DAZAP2: variants seen among roughly 807,000 people sequenced by gnomAD.
DAZAP2 encodes DAZ associated protein 2.
In DAZAP2, 3 loss-of-function variants were observed where a neutral mutation model predicts 16.2. The observed-to-expected ratio is 0.19, with a 90% CI of 0.08 to 0.48. The LOEUF (loss-of-function observed/expected upper bound fraction) is 0.48, where lower values mean the gene tolerates loss of function less well. Ranked by LOEUF, DAZAP2 falls within the 20% of genes least tolerant of loss-of-function variation. The probability of loss-of-function intolerance (pLI) is 0.98; values close to 1 mark genes in which losing one functional copy is unlikely to be tolerated. For synonymous variants in DAZAP2, 69 were observed against 77.6 expected, an observed-to-expected ratio of 0.89 and a Z score of 0.58; for missense variants, 172 against 215.9, an observed-to-expected ratio of 0.80 and a Z score of 1.27.
Position 51,242,312 on chromosome 12 carries a change from C to T in DAZAP2, c.379-18C>T, listed in dbSNP as rs775952142. On this transcript the variant is annotated intron_variant, in intron 3 of 3. Coordinates refer to ENST00000412716, the MANE Select transcript of DAZAP2 (RefSeq NM_014764.4). ...ATTAGCTGCCCTGTGCCCATTCTAT[C>T]ATGTCATTTCCTTTCAGCCTCCACC... 1.9e-6 allele frequency: 3 copies of T among 1,567,974 alleles called. No homozygotes were observed. The highest frequency in any genetic ancestry group is 2.6e-6 in the Non-Finnish European group (3 of 1,158,054).
chr12:51,244,009 G>A, downstream of DAZAP2: 1 of 798,374 alleles, frequency 1.3e-6, no homozygotes, highest in Non-Finnish European at 1.5e-6. Context: ...ACAAATTTTG[G>A]AATTTCGGAC....
chr12:51,245,135 G>A (rs1944749762), downstream of DAZAP2: 2 of 152,094 alleles, frequency 1.3e-5, no homozygotes, highest in Admixed American at 1.3e-4. Flanking sequence ...CCCTCCCAGG[G>A]TATGTTTCTA....
At chr12:51,239,060 G>A (rs1565652302) in intron 1 of DAZAP2, 140 bp downstream of exon 1, 1 of 1,222,540 alleles carries the variant, frequency 8.2e-7, no homozygotes, top group Non-Finnish European at 1.1e-6. Flanking sequence ...CCAGGGCGCT[G>A]CGCCTGACGC....
intron 1 of DAZAP2, chr12:51,240,130 G>C: frequency 1.7e-6 from 1 of 572,018 alleles, no homozygotes; most frequent in South Asian, 2.0e-5. Flanking sequence ...GCAGTGAGCA[G>C]TGCCTTTCTT....
intron 3 of DAZAP2, among the ~76,000 whole-genome samples, chr12:51,242,094 G>A (rs1029014733): frequency 7.2e-5 from 11 of 152,092 alleles, no homozygotes; most frequent in African/African-American, 2.7e-4. Flanking sequence ...GTAGCCATAG[G>A]CTTCATCTTA....
At chr12:51,238,965 G>A in intron 1 of DAZAP2, 45 bp downstream of exon 1, 1 of 1,609,122 alleles carries the variant, frequency 6.2e-7, no homozygotes, top group African/African-American at 1.3e-5. Context: ...AGTACTGCTG[G>A]CCCAGAGCGA....
intron 1 of DAZAP2, 95 bp downstream of exon 1, chr12:51,239,015 G>T: frequency 6.5e-7 from 1 of 1,549,332 alleles, no homozygotes; most frequent in South Asian, 1.2e-5. Context: ...CCAGGTTTGG[G>T]GTGGGCTGCG....
chr12:51,239,143 G>A, intron 1 of DAZAP2: 2 of 607,188 alleles, frequency 3.3e-6, no homozygotes, highest in Non-Finnish European at 5.4e-6. Flanking sequence ...GGCGCAGTTT[G>A]GAGCTGCGGG....
chr12:51,244,356 C>G (rs999899133), downstream of DAZAP2, among the ~76,000 whole-genome samples: 1 of 152,182 alleles, frequency 6.6e-6, no homozygotes, highest in Admixed American at 6.5e-5. Context: ...GCTACAACAC[C>G]TGGTTCATTT....
Position 51,242,754 on chromosome 12 carries a change from T to C in DAZAP2, c.*296T>C. 7.1e-7 allele frequency: 1 copy of C among 1,416,502 alleles called. No homozygotes were observed. The highest frequency in any genetic ancestry group is 9.2e-7 in the Non-Finnish European group (1 of 1,089,718). The allele number at this position is 1,416,502 out of a possible 1,614,324, so 87.7% of individuals were successfully genotyped here. On this transcript the variant is annotated 3_prime_UTR_variant, in exon 4 of 4. Transcript: ENST00000412716. ...TCTCTGGAGTAATACTGTACCATAC[T>C]GGTCTTTGCTTTTAGTAATAAAACA...
intron 3 of DAZAP2, 69 bp downstream of exon 3, chr12:51,241,185 C>A: frequency 6.4e-7 from 1 of 1,574,350 alleles, no homozygotes; most frequent in South Asian, 1.2e-5. Context: ...ACTTCATATT[C>A]ATTCTCTTAC....
At position 51,240,359 on chromosome 12, in the gene DAZAP2, G is replaced by C. The variant is rs1319374998; in HGVS notation, c.30G>C (p.Gln10His). The change falls in exon 2 of 4, where the codon CAG becomes CAC. Residue 10 changes from glutamine to histidine, a missense_variant. By Grantham distance (24) the Gln-to-His change is conservative (BLOSUM62 0). Coordinates refer to ENST00000412716, the MANE Select transcript of DAZAP2 (RefSeq NM_014764.4). MNSKGQYPTQPTYPVQPPGN... is the reference protein window; with the variant it reads MNSKGQYPTHPTYPVQPPGN... ...GTCTTTCAGGTCAATATCCAACACA[G>C]CCAACCTACCCTGTGCAGCCTCCTG... 6.2e-7 allele frequency: 1 copy of C among 1,613,918 alleles called. No homozygotes were observed. Among genetic ancestry groups the C allele is most frequent in the Admixed American group, 1.7e-5 (1 of 59,978 alleles).
downstream of DAZAP2, chr12:51,245,706 CACAA>C: frequency 2.1e-6 from 1 of 472,992 alleles, no homozygotes; most frequent in Non-Finnish European, 3.8e-6. Flanking sequence ...GTTGGCCAGT[CACAA>C]ACACCAGCTC....
intron 1 of DAZAP2, chr12:51,239,912 C>T (rs1463982727): frequency 5.6e-6 from 1 of 178,828 alleles, no homozygotes; most frequent in African/African-American, 2.4e-5. Flanking sequence ...TGGAAGTCGA[C>T]CTTGAATAGT....
intron 2 of DAZAP2, 97 bp from the exon 3 acceptor site, chr12:51,240,774 T>A: frequency 6.7e-7 from 1 of 1,492,638 alleles, no homozygotes; most frequent in Non-Finnish European, 9.0e-7. Context: ...ACAAAAAGTA[T>A]AACCTGCATA....
At position 51,240,928 on chromosome 12, in the gene DAZAP2, G is replaced by C. The variant is rs1264911075; in HGVS notation, c.190G>C (p.Ala64Pro). The change falls in exon 3 of 4, where the codon GCA becomes CCA. Residue 64 changes from alanine (A) to proline (P), a missense_variant. Coordinates refer to ENST00000412716, the MANE Select transcript of DAZAP2 (RefSeq NM_014764.4). The part of the protein sequence containing the change: ...GAATVPTMSA[A>P]FPGASLYLPM... ...TGCCACAGTCCCCACCATGTCAGCCGCATTTCCTGGAGCCTCTCTGTATCT... is the reference window on the plus strand; with the variant it reads ...TGCCACAGTCCCCACCATGTCAGCCCCATTTCCTGGAGCCTCTCTGTATCT... 6.2e-7 allele frequency: 1 copy of C among 1,614,166 alleles called. No individual in the cohort carries two copies. The highest frequency in any genetic ancestry group is 1.3e-5 in the African/African-American group (1 of 75,032).
At chr12:51,241,192 T>C in intron 3 of DAZAP2, 76 bp downstream of exon 3, 1 of 1,563,194 alleles carries the variant, frequency 6.4e-7, no homozygotes, top group Non-Finnish European at 8.7e-7. Flanking sequence ...ATTCATTCTC[T>C]TACCATTTCT....
chr12:51,240,536 A>G, intron 2 of DAZAP2, 75 bp downstream of exon 2: 1 of 1,265,810 alleles, frequency 7.9e-7, no homozygotes, highest in South Asian at 1.2e-5. Context: ...GCTAAATCTG[A>G]CTTCACATAT....
chr12:51,240,017 T>A (rs1219101809), intron 1 of DAZAP2: 1 of 311,558 alleles, frequency 3.2e-6, no homozygotes, highest in Non-Finnish European at 6.1e-6. Context: ...GCACCCTTGA[T>A]AAGCCAGAAC....
Sources: gnomAD v4.1 joint callset for allele counts (sites outside exome capture counted in the v4.1 genomes callset) on GRCh38, gnomAD v4.1.1 for gene constraint, MANE v1.5 for transcripts, NCBI Gene and HGNC (gene_info 2026-07-23, HGNC 2026-07-21) for gene names.